Variants in UFL1 observed in about 807,000 individuals in gnomAD.
UFL1 encodes E3 UFM1-protein ligase 1.
UFL1 carries 78 observed loss-of-function variants against 99.3 expected under a neutral mutation model. The observed-to-expected ratio is 0.79, with a 90% CI of 0.65 to 0.95. UFL1 has a LOEUF of 0.95. Among genes scored for constraint, UFL1 ranks in the 40% least tolerant of loss-of-function variants. UFL1 has a pLI of 0.00. For missense variants in UFL1, 936 were observed against 937.0 expected, an observed-to-expected ratio of 1.00 and a Z score of 0.01; for synonymous variants, 335 against 322.2, an observed-to-expected ratio of 1.04 and a Z score of -0.42.
At position 96,523,207 on chromosome 6, in the gene UFL1, G is replaced by A; in HGVS notation, c.139G>A (p.Val47Ile). 1 of 1,613,312 alleles carries A rather than the reference G, an allele frequency of 6.2e-7. No individual in the cohort carries two copies. The highest frequency in any genetic ancestry group is 2.2e-5 in the East Asian group (1 of 44,820). Residue 47 changes from valine to isoleucine, a missense_variant, in exon 2 of 19, where the codon GTA becomes ATA. By Grantham distance (29) the Val-to-Ile change is conservative (BLOSUM62 3). Transcript: ENST00000369278. ...NKLIAQKQLE[V>I]VHTLDGKEYI... Reference sequence around the variant, plus strand: ...ATTGATTGCTCAGAAACAGCTAGAAGTAGTTCATACACTCGATGGAAAGGA... The same window carrying A: ...ATTGATTGCTCAGAAACAGCTAGAAATAGTTCATACACTCGATGGAAAGGA...
chr6:96,552,275 T>C (rs1195909791), intron 17 of UFL1, among the ~76,000 whole-genome samples: 1 of 152,076 alleles, frequency 6.6e-6, no homozygotes, highest in Non-Finnish European at 1.5e-5. Flanking sequence ...TCCCACTCTA[T>C]AGCTTTTTCT....
At chr6:96,522,536 C>T (rs1769632520) in intron 1 of UFL1, among the ~76,000 whole-genome samples, 1 of 152,146 alleles carries the variant, frequency 6.6e-6, no homozygotes, top group South Asian at 2.1e-4. Context: ...AAAAATAACG[C>T]TAATAGAAGC....
intron 15 of UFL1, among the ~76,000 whole-genome samples, chr6:96,550,666 C>G (rs1010380468): frequency 6.6e-6 from 1 of 152,002 alleles, no homozygotes; most frequent in Non-Finnish European, 1.5e-5. Context: ...GGTGCTGGCC[C>G]CCTTCCCTTC....
In UFL1 at chr6:96,551,912, A is replaced by C. The variant is rs773837661; in HGVS notation, c.1974A>C (p.Lys658Asn). 2 of 1,602,242 alleles carry C rather than the reference A, an allele frequency of 1.2e-6. No homozygotes were observed. Among genetic ancestry groups the C allele is most frequent in the Non-Finnish European group, 8.5e-7 (1 of 1,171,652 alleles). Reference protein sequence around the residue: ...ACDIMVKRGDKKRERQILFQH... With the variant: ...ACDIMVKRGDNKRERQILFQH... ...ATATTATGGTGAAAAGGGGAGACAA[A>C]AAAAGGGAAAGGTAACATTAAATTA... Residue 658 changes from lysine to asparagine, a missense_variant, in exon 17 of 19, where the codon AAA (lysine) becomes AAC (asparagine). Lys to Asn is a moderately conservative substitution (Grantham distance 94). Coordinates refer to ENST00000369278, the MANE Select transcript of UFL1 (RefSeq NM_015323.5).
chr6:96,523,770 A>T (rs947829214), intron 2 of UFL1, among the ~76,000 whole-genome samples: 2 of 152,202 alleles, frequency 1.3e-5, no homozygotes, highest in Non-Finnish European at 2.9e-5. Context: ...TGTTAAAAAC[A>T]CGCACAAAGT....
chr6:96,541,735 T>A (rs1769934442), intron 11 of UFL1, among the ~76,000 whole-genome samples: 1 of 151,316 alleles, frequency 6.6e-6, no homozygotes, highest in African/African-American at 2.4e-5. Context: ...CTATTTAATA[T>A]TTTATTTCTT....
rs1384034474 is a variant in UFL1, at chr6:96,545,127, A to G, written c.1402+2111A>G. 3.3e-5 allele frequency among the ~76,000 whole-genome samples: 5 copies of G among 151,204 alleles called. No individual in the cohort carries two copies. In the South Asian group the frequency reaches 6.2e-4, roughly 19 times the overall value. ...GAATGGACAGCAGATCCCAGAAGAT[A>G]ATAGTACTGTCTGTCTACTCTAAAG... On this transcript the variant is annotated intron_variant, in intron 12 of 18. Coordinates refer to ENST00000369278, the MANE Select transcript of UFL1 (RefSeq NM_015323.5).
At chr6:96,538,845 TA>T in intron 10 of UFL1, 35 bp downstream of exon 10, 1 of 1,532,172 alleles carries the variant, frequency 6.5e-7, no homozygotes, top group Admixed American at 1.9e-5. Context: ...CTAATCTTAA[TA>T]ATATTTTCAA....
At chr6:96,525,074 T>G (rs1397088755) in intron 3 of UFL1, among the ~76,000 whole-genome samples, 1 of 147,918 alleles carries the variant, frequency 6.8e-6, no homozygotes, top group Non-Finnish European at 1.5e-5. Context: ...CTTTCTTTCT[T>G]TTTTTTTTTT....
intron 17 of UFL1, 147 bp from the exon 18 acceptor site, chr6:96,552,335 G>T: frequency 1.2e-6 from 1 of 802,914 alleles, no homozygotes; most frequent in South Asian, 2.0e-5. Context: ...TTTTATGTGT[G>T]TATATCCCAT....
chr6:96,539,625 C>T (rs995991795), intron 10 of UFL1, among the ~76,000 whole-genome samples: 2 of 151,476 alleles, frequency 1.3e-5, no homozygotes, highest in African/African-American at 4.8e-5. Context: ...ACAAATAGAC[C>T]TCTAGTTTCC....
Position 96,540,653 on chromosome 6 carries a change from CA to C in UFL1, c.1278del (p.Glu427ArgfsTer6). The C allele has an allele frequency of 6.3e-7, 1 of 1,593,526 alleles. No individual in the cohort carries two copies. The highest frequency in any genetic ancestry group is 8.5e-7 in the Non-Finnish European group (1 of 1,172,694). ...DKKDERRRKA[T>X]EGSGSMRGGG... ...AAAGATGAGCGAAGAAGGAAAGCAA[CA>C]GGTAATAAATTGTTAACAAGGAATA... On this transcript the variant is annotated frameshift_variant and splice_region_variant, in exon 11 of 19. Transcript: ENST00000369278. LOFTEE classifies it high-confidence loss of function.
chr6:96,534,457 T>C, intron 7 of UFL1, 136 bp downstream of exon 7: 1 of 701,066 alleles, frequency 1.4e-6, no homozygotes, highest in East Asian at 3.1e-5. Flanking sequence ...AAAGTTTCTT[T>C]GTATCAAGTT....
intron 1 of UFL1, among the ~76,000 whole-genome samples, chr6:96,522,341 A>AC (rs924594119): frequency 3.3e-5 from 5 of 151,786 alleles, no homozygotes; most frequent in Admixed American, 2.0e-4. Flanking sequence ...GGAGAGGCTA[A>AC]CCCCCGCCCC....
chr6:96,535,697 CA>C (rs780024920), intron 7 of UFL1, among the ~76,000 whole-genome samples: 1 of 151,986 alleles, frequency 6.6e-6, no homozygotes, highest in Non-Finnish European at 1.5e-5. Flanking sequence ...TTAACCAAGG[CA>C]TTACACTTCT....
At chr6:96,538,494 G>A (rs927745851) in intron 9 of UFL1, 137 bp from the exon 10 acceptor site, 2 of 710,876 alleles carry the variant, frequency 2.8e-6, no homozygotes, top group Non-Finnish European at 4.4e-6. Flanking sequence ...TAATTTGGAG[G>A]TTATCGGCAT....
Position 96,534,248 on chromosome 6 carries a change from T to A in UFL1, c.597-15T>A, listed in dbSNP as rs779976691. ...AATGAGTAAGAAGTTTTTTTTTTTT[T>A]AACTTTCCATAAAGGCCTACAGCTG... On this transcript the variant is annotated splice_polypyrimidine_tract_variant and intron_variant, in intron 6 of 18. Coordinates refer to ENST00000369278, the MANE Select transcript of UFL1 (RefSeq NM_015323.5). The A allele has an allele frequency of 2.7e-6, 4 of 1,504,710 alleles. No homozygotes were observed. The highest frequency in any genetic ancestry group is 1.3e-5 in the South Asian group (1 of 74,216). The allele number at this position is 1,504,710 out of a possible 1,614,324, so 93.2% of individuals were successfully genotyped here. A position where few individuals can be genotyped will look rare whatever the true frequency, so the allele number is the denominator to read the frequency against.
At chr6:96,543,844 A>G (rs901062489) in intron 12 of UFL1, among the ~76,000 whole-genome samples, 2 of 151,186 alleles carry the variant, frequency 1.3e-5, no homozygotes, top group African/African-American at 2.4e-5. Flanking sequence ...ACTATTCCTG[A>G]TAAGTATTTT....
chr6:96,553,314 A>G lies in UFL1; in HGVS notation c.2196A>G (p.Gln732=). 2 of 1,613,688 alleles carry G rather than the reference A, an allele frequency of 1.2e-6. No individual in the cohort carries two copies. Among genetic ancestry groups the G allele is most frequent in the Non-Finnish European group, 1.7e-6 (2 of 1,179,742 alleles). The change falls in exon 19 of 19, where the codon CAA becomes CAG. Residue 732 remains glutamine (Q), a synonymous_variant. Coordinates refer to ENST00000369278, the MANE Select transcript of UFL1 (RefSeq NM_015323.5). ...EDQHALLVKY[Q]GLVVKQLVSQ... ...AGCATGCTCTTTTGGTAAAGTATCA[A>G]GGTTTGGTTGTAAAGCAGCTAGTCA...
Sources: allele counts gnomAD v4.1 joint callset (sites outside exome capture counted in the v4.1 genomes callset), GRCh38; gene constraint gnomAD v4.1.1; transcripts MANE v1.5; gene names NCBI Gene and HGNC (gene_info 2026-07-23, HGNC 2026-07-21).